Variants in RNPEPL1 observed in about 807,000 individuals in gnomAD.
RNPEPL1 encodes aminopeptidase RNPEPL1.
In RNPEPL1, 46 loss-of-function variants were observed where a neutral mutation model predicts 69.0. That is an observed-to-expected ratio of 0.67 (90% CI 0.53 to 0.85). RNPEPL1 has a LOEUF of 0.85. Among genes scored for constraint, RNPEPL1 ranks in the 40% least tolerant of loss-of-function variants. The probability of loss-of-function intolerance (pLI) is 0.00; values close to 1 mark genes in which losing one functional copy is unlikely to be tolerated. For missense variants in RNPEPL1, 869 were observed against 992.5 expected, an observed-to-expected ratio of 0.88 and a Z score of 1.67; for synonymous variants, 525 against 454.1, an observed-to-expected ratio of 1.16 and a Z score of -1.98.
At chr2:240,570,124 C>T (rs909979349) in intron 1 of RNPEPL1, among the ~76,000 whole-genome samples, 13 of 152,234 alleles carry the variant, frequency 8.5e-5, no homozygotes, top group Non-Finnish European at 1.9e-4. Context: ...AAGTATGCCT[C>T]CCAGTATGAC....
chr2:240,575,224 G>T, intron 7 of RNPEPL1, 82 bp downstream of exon 7: 1 of 1,134,966 alleles, frequency 8.8e-7, no homozygotes, highest in Non-Finnish European at 1.3e-6. Context: ...CTGCTCTTGC[G>T]GCAGTTGGGG....
intron 8 of RNPEPL1, chr2:240,575,856 C>A: frequency 3.8e-6 from 2 of 530,652 alleles, no homozygotes; most frequent in South Asian, 2.2e-5. Context: ...TCCCAGGAAG[C>A]GGGCCATGGA....
At chr2:240,574,869 G>A in intron 6 of RNPEPL1, 161 bp from the exon 7 acceptor site, 2 of 692,958 alleles carry the variant, frequency 2.9e-6, no homozygotes, top group South Asian at 3.3e-5. Context: ...CTTCCCCGAG[G>A]CCCTGCCGCT....
Position 240,574,242 on chromosome 2 carries a change from C to T in RNPEPL1, c.1068C>T (p.Ala356=). The T allele has an allele frequency of 6.2e-7, 1 of 1,613,174 alleles. No individual in the cohort carries two copies. The highest frequency in any genetic ancestry group is 2.2e-5 in the East Asian group (1 of 44,856). The change falls in exon 5 of 11, where the codon GCC becomes GCT. Residue 356 remains alanine (A), a synonymous_variant. Coordinates refer to ENST00000270357, the MANE Select transcript of RNPEPL1 (RefSeq NM_018226.6). ...TCATCGATGTCATCCACGAGGTGGC[C>T]CACAGTTGGTTCGGCAACGCTGTCA... ...FLVIDVIHEV[A]HSWFGNAVTN...
chr2:240,575,482 G>C lies in RNPEPL1; in HGVS notation c.1402-20G>C. 1 of 1,604,526 alleles carries C rather than the reference G, an allele frequency of 6.2e-7. No homozygotes were observed. The highest frequency in any genetic ancestry group is 8.5e-7 in the Non-Finnish European group (1 of 1,172,178). On this transcript the variant is annotated intron_variant, in intron 7 of 10. Transcript: ENST00000270357. Reference sequence around the variant, plus strand: ...GCCCCACCCTTCCAGGCCTGCTGAGGCCCCACCTCTGCCACACAGGCCTAT... The same window carrying C: ...GCCCCACCCTTCCAGGCCTGCTGAGCCCCCACCTCTGCCACACAGGCCTAT...
chr2:240,573,681 G>A (rs2093029136), intron 3 of RNPEPL1, 94 bp from the exon 4 acceptor site: 2 of 1,066,932 alleles, frequency 1.9e-6, no homozygotes, highest in East Asian at 2.6e-5. Context: ...GTGAGGTGTG[G>A]GTGTTACTGG....
At chr2:240,575,972 CCTGAGGGT>C (rs1359396422) in intron 8 of RNPEPL1, 2 of 310,124 alleles carry the variant, frequency 6.4e-6, no homozygotes, top group African/African-American at 4.2e-5. Context: ...TAAAGGTGTC[CCTGAGGGT>C]CTGAGGGCTT....
At chr2:240,574,034 G>A in intron 4 of RNPEPL1, 79 bp from the exon 5 acceptor site, 1 of 1,434,628 alleles carries the variant, frequency 7.0e-7, no homozygotes, top group Non-Finnish European at 9.6e-7. Flanking sequence ...ATCCCTGCTG[G>A]GTGGAAGGTG....
chr2:240,577,124 G>A lies in RNPEPL1; in HGVS notation c.1884+134G>A, dbSNP rs1042758883. On this transcript the variant is annotated intron_variant, in intron 10 of 10. Coordinates refer to ENST00000270357, the MANE Select transcript of RNPEPL1 (RefSeq NM_018226.6). ...GAGAATGGGGCGGGGAAGACGTAGG[G>A]GTCTGTTGGGAGTGGGGGCATGCAC... The A allele has an allele frequency of 1.7e-5, 20 of 1,153,332 alleles. No individual in the cohort carries two copies. The African/African-American group carries it at 2.6e-4, about 15-fold the overall frequency. The allele number at this position is 1,153,332 out of a possible 1,614,324, so 71.4% of individuals were successfully genotyped here.
At position 240,577,799 on chromosome 2, in the gene RNPEPL1, A is replaced by C; in HGVS notation, c.2085A>C (p.Glu695Asp). Residue 695 changes from glutamate (E) to aspartate (D), a missense_variant, in exon 11 of 11, where the codon GAA becomes GAC. Physicochemically the swap from Glu to Asp is conservative, Grantham distance 45 (BLOSUM62 2). This residue lies in a region of RNPEPL1 where 610 missense variants were observed against 790.9 expected (regional missense o/e 0.77). Transcript: ENST00000270357. ...CCAGCACGGAGCTGGGCAAGGCTGA[A>C]GCAGACACAGACTCGGACGCACAGG... ...SEPSTELGKA[E>D]ADTDSDAQAL... is the part of the protein sequence containing the mutation. The C allele has an allele frequency of 6.2e-7, 1 of 1,610,442 alleles. No individual in the cohort carries two copies. Among genetic ancestry groups the C allele is most frequent in the Non-Finnish European group, 8.5e-7 (1 of 1,178,082 alleles).
intron 3 of RNPEPL1, among the ~76,000 whole-genome samples, chr2:240,573,491 C>A (rs1161463537): frequency 6.6e-6 from 1 of 152,224 alleles, no homozygotes; most frequent in African/African-American, 2.4e-5. Flanking sequence ...ACTGGTCCTT[C>A]CTGCCAAGGC....
chr2:240,570,159 C>T (rs1488015691), intron 1 of RNPEPL1, among the ~76,000 whole-genome samples: 1 of 152,242 alleles, frequency 6.6e-6, no homozygotes, highest in Admixed American at 6.5e-5. Flanking sequence ...GGATGGGCTT[C>T]TCCTTGGCCT....
At chr2:240,575,426 T>G in intron 7 of RNPEPL1, 76 bp from the exon 8 acceptor site, 1 of 1,259,676 alleles carries the variant, frequency 7.9e-7, no homozygotes, top group Non-Finnish European at 1.2e-6. Context: ...CGCCCTGCAG[T>G]GCCCTGCAGG....
At position 240,568,755 on chromosome 2, in the gene RNPEPL1, T is replaced by C. The variant is rs1254970599; in HGVS notation, c.169T>C (p.Leu57=). The change falls in exon 1 of 11, where the codon TTG becomes CTG. Residue 57 remains leucine, a synonymous_variant. Coordinates refer to ENST00000270357, the MANE Select transcript of RNPEPL1 (RefSeq NM_018226.6). This position sits in a 1 kb window ranked among gnomAD's most constrained non-coding sequence, Gnocchi z 6.2. ...GLELRPEARE[L]AGCLVLELCA... ...GGAGCTGCGGCCCGAGGCGCGCGAGTTGGCCGGCTGCCTGGTGCTCGAGCT... is the reference window on the plus strand; with the variant it reads ...GGAGCTGCGGCCCGAGGCGCGCGAGCTGGCCGGCTGCCTGGTGCTCGAGCT... 2.4e-5 allele frequency: 26 copies of C among 1,064,718 alleles called. No individual in the cohort carries two copies. Among genetic ancestry groups the C allele is most frequent in the African/African-American group, 5.2e-5 (3 of 57,550 alleles). The allele number at this position is 1,064,718 out of a possible 1,614,324, so 66.0% of individuals were successfully genotyped here. A position where few individuals can be genotyped will look rare whatever the true frequency, so the allele number is the denominator to read the frequency against.
In RNPEPL1 at chr2:240,575,491, C is replaced by T. The variant is rs754447724; in HGVS notation, c.1402-11C>T. ...TTCCAGGCCTGCTGAGGCCCCACCTCTGCCACACAGGCCTATGTGGAGAAG... is the reference window on the plus strand; with the variant it reads ...TTCCAGGCCTGCTGAGGCCCCACCTTTGCCACACAGGCCTATGTGGAGAAG... On this transcript the variant is annotated splice_polypyrimidine_tract_variant and intron_variant, in intron 7 of 10. Transcript: ENST00000270357. The T allele has an allele frequency of 1.2e-6, 2 of 1,609,468 alleles. No individual in the cohort carries two copies. Among genetic ancestry groups the T allele is most frequent in the Admixed American group, 1.7e-5 (1 of 60,034 alleles).
chr2:240,572,316 A>C, intron 1 of RNPEPL1, 107 bp from the exon 2 acceptor site: 2 of 1,316,150 alleles, frequency 1.5e-6, no homozygotes, highest in South Asian at 2.8e-5. Context: ...TAATCTGGCC[A>C]TTGTCCCCTC....
intron 7 of RNPEPL1, 137 bp from the exon 8 acceptor site, chr2:240,575,365 G>A: frequency 1.2e-6 from 1 of 824,628 alleles, no homozygotes; most frequent in Non-Finnish European, 2.0e-6. Flanking sequence ...CCAAGTGCTG[G>A]CTCCGCAGTG....
intron 6 of RNPEPL1, 106 bp from the exon 7 acceptor site, chr2:240,574,924 T>C (rs914645153): frequency 9.3e-6 from 8 of 859,390 alleles, no homozygotes; most frequent in African/African-American, 3.3e-5. Flanking sequence ...TGAGGGACAG[T>C]GGCGCTTGGC....
intron 7 of RNPEPL1, 43 bp downstream of exon 7, chr2:240,575,185 C>T (rs1231985968): frequency 6.8e-7 from 1 of 1,466,544 alleles, no homozygotes; most frequent in South Asian, 1.1e-5. Context: ...GCCATCTGCC[C>T]CCAGCCCCTC....
Sources: allele counts gnomAD v4.1 joint callset (sites outside exome capture counted in the v4.1 genomes callset), GRCh38; gene constraint gnomAD v4.1.1; regional missense constraint gnomAD v4.1.1; non-coding constraint Gnocchi (gnomAD v3.1); transcripts MANE v1.5; gene names NCBI Gene and HGNC (gene_info 2026-07-23, HGNC 2026-07-21).